MYO16: variants seen among roughly 807,000 people sequenced by gnomAD.
MYO16 encodes unconventional myosin-XVI.
MYO16 carries 94 observed loss-of-function variants against 205.3 expected under a neutral mutation model. That is an observed-to-expected ratio of 0.46 (90% CI 0.39 to 0.54). The LOEUF is 0.54. Ranked by LOEUF, MYO16 falls within the 20% of genes least tolerant of loss-of-function variation. The pLI is 0.00. For synonymous variants in MYO16, 988 were observed against 954.0 expected (o/e 1.04, Z -0.66); for missense variants, 2,315 against 2,387.5 (o/e 0.97, Z 0.63).
intron 22 of MYO16, among the ~76,000 whole-genome samples, chr13:109,009,759 T>A (rs899742655): frequency 6.6e-6 from 1 of 152,224 alleles, no homozygotes; most frequent in African/African-American, 2.4e-5. Context: ...AAAGATAGAT[T>A]TCTAAATTAT....
the MYO16 span, among the ~76,000 whole-genome samples, chr13:108,577,642 T>C: frequency 1.2e-4 from 19 of 152,322 alleles, no homozygotes; most frequent in Admixed American, 8.5e-4. Context: ...TTAATATCTA[T>C]TCCTGAAATA....
chr13:109,019,613 G>T (rs1364409789), intron 22 of MYO16, 98 bp from the exon 23 acceptor site: 1 of 922,968 alleles, frequency 1.1e-6, no homozygotes. Flanking sequence ...GTGTCTATAT[G>T]AATCTAACAA....
chr13:109,012,729 C>A (rs1436498124), intron 22 of MYO16, among the ~76,000 whole-genome samples: 1 of 150,842 alleles, frequency 6.6e-6, no homozygotes, highest in Non-Finnish European at 1.5e-5. Flanking sequence ...ATTTAAGCAG[C>A]CTTTGCTCTC....
At chr13:108,682,964 C>G (rs1882526057) in intron 2 of MYO16, among the ~76,000 whole-genome samples, 1 of 152,106 alleles carries the variant, frequency 6.6e-6, no homozygotes, top group South Asian at 2.1e-4. Context: ...GAGTCTTTTT[C>G]TAAGATGGAG....
rs199752492 is a variant in MYO16, at chr13:109,173,691, C to G, written c.5324-5851C>G. Among the ~76,000 whole-genome samples, 313 of 151,070 alleles carry G rather than the reference C, an allele frequency of 2.1e-3. 1 individual carries two copies. Among genetic ancestry groups the G allele is most frequent in the Admixed American group, 3.2e-3 (48 of 15,170 alleles). On this transcript the variant is annotated intron_variant, in intron 33 of 34. Coordinates refer to ENST00000457511, the MANE Select transcript of MYO16 (RefSeq NM_001198950.3). ...CAGGCGGATTACAAGGTCAGGCGATCGAGACCATCCTGGCTAACACGGTGA... is the reference window on the plus strand; with the variant it reads ...CAGGCGGATTACAAGGTCAGGCGATGGAGACCATCCTGGCTAACACGGTGA...
chr13:108,765,868 T>C (rs575036783), intron 4 of MYO16, among the ~76,000 whole-genome samples: 50 of 152,320 alleles, frequency 3.3e-4, no homozygotes, highest in African/African-American at 1.2e-3. Context: ...TCATAAGTAC[T>C]GACCTCCGGC....
intron 1 of MYO16, among the ~76,000 whole-genome samples, chr13:108,657,505 G>T (rs964821386): frequency 6.6e-6 from 1 of 152,198 alleles, no homozygotes; most frequent in Admixed American, 6.5e-5. Flanking sequence ...TATCTTGGTT[G>T]TAGGAAAGAT....
intron 16 of MYO16, among the ~76,000 whole-genome samples, chr13:108,911,034 A>AC (rs1555311805): frequency 1.4e-5 from 2 of 138,448 alleles, no homozygotes; most frequent in Non-Finnish European, 3.1e-5. Flanking sequence ...TATAGGAGAA[A>AC]ACACACACAC....
chr13:109,099,455 A>T (rs1447782063), intron 27 of MYO16, among the ~76,000 whole-genome samples: 1 of 152,186 alleles, frequency 6.6e-6, no homozygotes, highest in African/African-American at 2.4e-5. Flanking sequence ...ATTTACACTG[A>T]CCTAATAGGA....
chr13:108,929,867 C>A (rs975694761), intron 16 of MYO16, among the ~76,000 whole-genome samples: 21 of 151,952 alleles, frequency 1.4e-4, no homozygotes, highest in African/African-American at 5.1e-4. Flanking sequence ...AGAAAGTAAA[C>A]CATCATAACT....
intron 1 of MYO16, among the ~76,000 whole-genome samples, chr13:108,613,750 A>C (rs1452564364): frequency 6.6e-6 from 1 of 152,158 alleles, no homozygotes; most frequent in Non-Finnish European, 1.5e-5. Context: ...AAAGTATTAC[A>C]AAAGACAAAT....
intron 4 of MYO16, among the ~76,000 whole-genome samples, chr13:108,744,354 C>T (rs1464935772): frequency 6.6e-6 from 1 of 152,160 alleles, no homozygotes; most frequent in Non-Finnish European, 1.5e-5. Context: ...AGGATTTCTC[C>T]TTATTCCTCC....
intron 16 of MYO16, among the ~76,000 whole-genome samples, chr13:108,943,581 C>T (rs940714239): frequency 4.6e-5 from 7 of 151,980 alleles, no homozygotes; most frequent in African/African-American, 7.2e-5. Flanking sequence ...CCTCCCAAGT[C>T]GCTGGGATTA....
chr13:108,990,174 A>T (rs1307628564), intron 20 of MYO16, among the ~76,000 whole-genome samples: 2 of 151,672 alleles, frequency 1.3e-5, no homozygotes, highest in African/African-American at 2.4e-5. Context: ...ACACACACAC[A>T]CACACACACG....
intron 2 of MYO16, among the ~76,000 whole-genome samples, chr13:108,702,223 TAAACTG>T (rs1415758478): frequency 3.9e-5 from 6 of 152,300 alleles, no homozygotes; most frequent in Non-Finnish European, 1.5e-5. Context: ...CCAGGTCAGA[TAAACTG>T]AAACAGATCC....
the MYO16 span, among the ~76,000 whole-genome samples, chr13:108,510,024 T>C: frequency 6.6e-6 from 1 of 152,240 alleles, no homozygotes; most frequent in Admixed American, 6.5e-5. Context: ...AAGTAACACC[T>C]GAAATAATCC....
chr13:108,803,693 G>T (rs1224432414), intron 6 of MYO16, among the ~76,000 whole-genome samples: 1 of 152,120 alleles, frequency 6.6e-6, no homozygotes, highest in Non-Finnish European at 1.5e-5. Flanking sequence ...TGGAGCCTGG[G>T]ATGCTCCTGT....
intron 27 of MYO16, among the ~76,000 whole-genome samples, chr13:109,061,002 C>T (rs1887574841): frequency 6.6e-6 from 1 of 152,174 alleles, no homozygotes; most frequent in African/African-American, 2.4e-5. Context: ...AGCTTTACAT[C>T]AAATGTGCTG....
intron 23 of MYO16, among the ~76,000 whole-genome samples, chr13:109,032,679 G>A (rs918897248): frequency 6.6e-6 from 1 of 152,184 alleles, no homozygotes; most frequent in Non-Finnish European, 1.5e-5. Context: ...TAGATGGGCA[G>A]GCACACACAT....
Sources: allele counts gnomAD v4.1 joint callset (sites outside exome capture counted in the v4.1 genomes callset), GRCh38; gene constraint gnomAD v4.1.1; transcripts MANE v1.5; gene names NCBI Gene and HGNC (gene_info 2026-07-23, HGNC 2026-07-21).